CEP295: variants seen among roughly 807,000 people sequenced by gnomAD.
CEP295 encodes centrosomal protein 295.
CEP295 carries 190 observed loss-of-function variants against 291.6 expected under a neutral mutation model. That is an observed-to-expected ratio of 0.65 (90% CI 0.58 to 0.73). The LOEUF (loss-of-function observed/expected upper bound fraction) is 0.73. Among genes scored for constraint, CEP295 ranks in the 30% least tolerant of loss-of-function variants. The pLI is 0.00. For synonymous variants in CEP295, 993 were observed against 1,038.8 expected, an observed-to-expected ratio of 0.96 and a Z score of 0.85; for missense variants, 2,863 against 2,949.4, an observed-to-expected ratio of 0.97 and a Z score of 0.68.
chr11:93,706,244 C>T (rs998223593), intron 17 of CEP295, among the ~76,000 whole-genome samples: 2 of 152,124 alleles, frequency 1.3e-5, no homozygotes, highest in African/African-American at 4.8e-5. Context: ...CCTTAATTCC[C>T]AATTTTTGGG....
intron 19 of CEP295, 186 bp downstream of exon 19, chr11:93,721,598 T>A: frequency 1.3e-6 from 1 of 760,190 alleles, no homozygotes; most frequent in South Asian, 1.4e-5. Flanking sequence ...GTCTACCTGA[T>A]GCATGATCTC....
chr11:93,725,734 C>T lies in CEP295; in HGVS notation c.6402C>T (p.Ser2134=). Residue 2134 remains serine (S), a synonymous_variant, in exon 23 of 30, where the codon AGC becomes AGT. Coordinates refer to ENST00000325212, the MANE Select transcript of CEP295 (RefSeq NM_033395.2). ...TVYFTALRRT[S]MHSSLNTSPN... is the part of the protein sequence containing the mutation. ...ATTTCACAGCACTGAGGAGGACCAGCATGCATTCTTCTCTTAACACAAGTC... is the reference window on the plus strand; with the variant it reads ...ATTTCACAGCACTGAGGAGGACCAGTATGCATTCTTCTCTTAACACAAGTC... 2 of 1,551,776 alleles carry T rather than the reference C, an allele frequency of 1.3e-6. No homozygotes were observed. Among genetic ancestry groups the T allele is most frequent in the Non-Finnish European group, 1.7e-6 (2 of 1,146,922 alleles).
intron 1 of CEP295, among the ~76,000 whole-genome samples, chr11:93,664,474 G>A (rs938544682): frequency 1.3e-5 from 2 of 152,236 alleles, no homozygotes; most frequent in Admixed American, 6.5e-5. Flanking sequence ...TACCAAAGCC[G>A]TGTGAATATT....
At chr11:93,722,822 A>T (rs1371908015) in intron 20 of CEP295, 6 of 396,434 alleles carry the variant, frequency 1.5e-5, no homozygotes, top group African/African-American at 1.2e-4. Context: ...CAATGGTGCA[A>T]TCTCGGCTCT....
At chr11:93,716,529 C>T (rs983669280) in intron 18 of CEP295, among the ~76,000 whole-genome samples, 3 of 152,174 alleles carry the variant, frequency 2.0e-5, no homozygotes, top group Non-Finnish European at 4.4e-5. Context: ...CAGGGAGAGA[C>T]CTTGGGGTGT....
At chr11:93,689,650 C>T (rs1951419322) in intron 10 of CEP295, among the ~76,000 whole-genome samples, 1 of 152,100 alleles carries the variant, frequency 6.6e-6, no homozygotes, top group Non-Finnish European at 1.5e-5. Context: ...TCCCCTTTAC[C>T]CTGCTTTCCC....
In CEP295 at chr11:93,675,206, T is replaced by A. The variant is rs371007694; in HGVS notation, c.529-365T>A. Among the ~76,000 whole-genome samples the A allele has an allele frequency of 9.2e-5, 14 of 152,314 alleles. 1 individual carries two copies. The highest frequency in any genetic ancestry group is 6.5e-4 in the Admixed American group (10 of 15,308). ...TTAGATATGGAAGAGGACATAGTAG[T>A]GCATGTTGTTGTCTTATAAATATAA... On this transcript the variant is annotated intron_variant, in intron 5 of 29. Coordinates refer to ENST00000325212, the MANE Select transcript of CEP295 (RefSeq NM_033395.2).
Position 93,728,805 on chromosome 11 carries a change from CA to C in CEP295, c.7290del (p.Lys2430AsnfsTer6). On this transcript the variant is annotated frameshift_variant, in exon 25 of 30. Transcript: ENST00000325212. LOFTEE classifies it high-confidence loss of function. The stretch of plus-strand genomic sequence containing the variant: ...CTAGAAGAGAAGAGCGAGAATGAAG[CA>C]AAATGCTTCTTTCAGGTAAATTTAA... ...LTLEEKSENE[A>X]KCFFQVSEFL... 6.5e-7 allele frequency: 1 copy of C among 1,538,908 alleles called. No individual in the cohort carries two copies.
chr11:93,667,703 G>A lies in CEP295; in HGVS notation c.205G>A (p.Ala69Thr). 1 of 1,551,496 alleles carries A rather than the reference G, an allele frequency of 6.4e-7. No individual in the cohort carries two copies. ...QFTRLAEELRAEWEESQTQKI... is the reference protein window; with the variant it reads ...QFTRLAEELRTEWEESQTQKI... ...TACACGTTTGGCAGAGGAGCTAAGG[G>A]CAGAATGGGAAGAATCACAAACTCA... Residue 69 changes from alanine (A) to threonine (T), a missense_variant, in exon 3 of 30, where the codon GCA becomes ACA. Ala to Thr is a moderately conservative substitution (Grantham distance 58, BLOSUM62 0). Transcript: ENST00000325212.
intron 18 of CEP295, among the ~76,000 whole-genome samples, chr11:93,717,518 G>A (rs1953356717): frequency 1.3e-5 from 2 of 152,164 alleles, no homozygotes; most frequent in South Asian, 4.1e-4. Context: ...TTGGTAATTA[G>A]TATTGGATGT....
At position 93,702,838 on chromosome 11, in the gene CEP295, T is replaced by C. The variant is rs1952258701; in HGVS notation, c.5515T>C (p.Cys1839Arg). 9 of 1,551,690 alleles carry C rather than the reference T, an allele frequency of 5.8e-6. No homozygotes were observed. The highest frequency in any genetic ancestry group is 1.2e-5 in the South Asian group (1 of 84,068). ...AAAGCCACCTGTAGCAAAAGTCAAA[T>C]GTGGTTTGGACTTAAACCAGCATGA... ...SSKPPVAKVKCGLDLNQHELS... is the reference protein window; with the variant it reads ...SSKPPVAKVKRGLDLNQHELS... Residue 1839 changes from cysteine (C) to arginine (R), a missense_variant, in exon 17 of 30, where the codon TGT becomes CGT. Physicochemically the swap from Cys to Arg is radical, Grantham distance 180. Coordinates refer to ENST00000325212, the MANE Select transcript of CEP295 (RefSeq NM_033395.2).
chr11:93,719,629 T>C (rs1375117550), intron 18 of CEP295: 1 of 152,128 alleles, frequency 6.6e-6, no homozygotes, highest in Non-Finnish European at 1.5e-5. Context: ...ATGAGTTATC[T>C]CAATTGATTA....
At chr11:93,724,079 C>G in intron 21 of CEP295, 175 bp from the exon 22 acceptor site, 1 of 571,482 alleles carries the variant, frequency 1.7e-6, no homozygotes, top group Non-Finnish European at 3.0e-6. Context: ...TAGGACTTAA[C>G]TTTAAAGCAT....
chr11:93,670,223 A>T (rs990976275), intron 5 of CEP295, among the ~76,000 whole-genome samples: 1 of 152,120 alleles, frequency 6.6e-6, no homozygotes, highest in Non-Finnish European at 1.5e-5. Flanking sequence ...CTTATTTTAA[A>T]TGGTCAATAT....
In CEP295 at chr11:93,706,819, C is replaced by T. The variant is rs1952540882; in HGVS notation, c.5671C>T (p.Pro1891Ser). The change falls in exon 18 of 30, where the codon CCA becomes TCA. Residue 1891 changes from proline to serine, a missense_variant. Pro to Ser is a moderately conservative substitution (Grantham distance 74). This residue lies in a region of CEP295 where 2,295 missense variants were observed against 2,335.7 expected (regional missense o/e 0.98). Coordinates refer to ENST00000325212, the MANE Select transcript of CEP295 (RefSeq NM_033395.2). The part of the protein sequence containing the change: ...ISREQSFFGS[P>S]LAHDPFSCLQ... ...CCGAGAACAAAGTTTCTTTGGGAGCCCACTGGCCCATGATCCGTTTAGTTG... is the reference window on the plus strand; with the variant it reads ...CCGAGAACAAAGTTTCTTTGGGAGCTCACTGGCCCATGATCCGTTTAGTTG... 6.4e-7 allele frequency: 1 copy of T among 1,550,502 alleles called. No homozygotes were observed. Among genetic ancestry groups the T allele is most frequent in the African/African-American group, 1.4e-5 (1 of 73,138 alleles).
chr11:93,666,842 A>C, intron 2 of CEP295, 27 bp downstream of exon 2: 1 of 1,211,978 alleles, frequency 8.3e-7, no homozygotes, highest in East Asian at 2.6e-5. Context: ...ATAAAGTTTT[A>C]AATTCCTTTC....
intron 18 of CEP295, 117 bp downstream of exon 18, chr11:93,707,014 A>G: frequency 3.5e-6 from 3 of 867,524 alleles, no homozygotes; most frequent in Non-Finnish European, 5.1e-6. Context: ...ACTGCTGTTA[A>G]TGGAATCGTT....
intron 21 of CEP295, 66 bp downstream of exon 21, chr11:93,723,355 T>A: frequency 8.5e-7 from 1 of 1,182,956 alleles, no homozygotes; most frequent in Non-Finnish European, 1.2e-6. Flanking sequence ...TTCATCATTT[T>A]AAATTTTATG....
At position 93,725,669 on chromosome 11, in the gene CEP295, G is replaced by C; in HGVS notation, c.6337G>C (p.Glu2113Gln). The change falls in exon 23 of 30, where the codon GAA becomes CAA. Residue 2113 changes from glutamate to glutamine, a missense_variant. Physicochemically the swap from Glu to Gln is conservative, Grantham distance 29. Transcript: ENST00000325212. Reference protein sequence around the residue: ...DFYQRSDSSSESHCATGLSKS... With the variant: ...DFYQRSDSSSQSHCATGLSKS... ...CTGCCAGAGATCAGATTCTTCATCTGAAAGCCACTGTGCTACTGGATTATC... is the reference window on the plus strand; with the variant it reads ...CTGCCAGAGATCAGATTCTTCATCTCAAAGCCACTGTGCTACTGGATTATC... The C allele has an allele frequency of 6.5e-7, 1 of 1,541,246 alleles. No individual in the cohort carries two copies.
Sources: allele counts gnomAD v4.1 joint callset (sites outside exome capture counted in the v4.1 genomes callset), GRCh38; gene constraint gnomAD v4.1.1; regional missense constraint gnomAD v4.1.1; transcripts MANE v1.5; gene names NCBI Gene and HGNC (gene_info 2026-07-23, HGNC 2026-07-21).